TBL3: variants seen among roughly 807,000 people sequenced by gnomAD.
TBL3 encodes transducin beta like 3.
TBL3 carries 71 observed loss-of-function variants against 102.7 expected under a neutral mutation model. That is an observed-to-expected ratio of 0.69 (90% CI 0.57 to 0.84). TBL3 has a LOEUF of 0.84. Among genes scored for constraint, TBL3 ranks in the 40% least tolerant of loss-of-function variants. TBL3 has a pLI of 0.00. For missense variants in TBL3, 1,188 were observed against 1,098.5 expected (o/e 1.08, Z -1.15); for synonymous variants, 578 against 477.7 (o/e 1.21, Z -2.74).
rs2083493465 is a variant in TBL3 at position 1,980,830 on chromosome 16, C to T, written c.*2145C>T. 6.8e-7 allele frequency: 1 copy of T among 1,475,690 alleles called. No individual in the cohort carries two copies. The highest frequency in any genetic ancestry group is 9.3e-7 in the Non-Finnish European group (1 of 1,075,296). 91.4% of individuals were successfully genotyped at this position (1,475,690 alleles called of 1,614,324 possible). On this transcript the variant is annotated 3_prime_UTR_variant, in exon 22 of 22. Transcript: ENST00000568546. Reference sequence around the variant, plus strand: ...GGATGGCAGGGGCTGGGAGCTTCAGCAGGGACGAAGGGCCTCCAGTGGGAG... The same window carrying T: ...GGATGGCAGGGGCTGGGAGCTTCAGTAGGGACGAAGGGCCTCCAGTGGGAG...
Position 1,980,365 on chromosome 16 carries a change from AC to A in TBL3, c.*1682del, listed in dbSNP as rs1198554299. The A allele has an allele frequency of 6.3e-7, 1 of 1,599,450 alleles. No homozygotes were observed. Among genetic ancestry groups the A allele is most frequent in the African/African-American group, 1.3e-5 (1 of 74,812 alleles). ...GCTGGGAGTTTGGGGCGAGTCAGGC[AC>A]CTGCCGGGTGGCAGCGCGGGCTCCA... On this transcript the variant is annotated 3_prime_UTR_variant, in exon 22 of 22. Coordinates refer to ENST00000568546, the MANE Select transcript of TBL3 (RefSeq NM_006453.3).
rs754289109 is a variant in TBL3 at position 1,978,644 on chromosome 16, GC to G, written c.2391del (p.Thr798ProfsTer28). The G allele has an allele frequency of 1.2e-6, 2 of 1,612,372 alleles. No homozygotes were observed. Among genetic ancestry groups the G allele is most frequent in the South Asian group, 1.1e-5 (1 of 91,070 alleles). ...CATGAAGCTCCCTGTGCCGGCCGCC[GC>G]CCCCACCCCCTGGGAAACCCATAAA... ...HNMKLPVPAAAPTPWETHKGA... is the reference protein window; with the variant it reads ...HNMKLPVPAAXPTPWETHKGA... On this transcript the variant is annotated frameshift_variant, in exon 22 of 22. Transcript: ENST00000568546. LOFTEE classifies it low-confidence loss of function (END_TRUNC).
At position 1,976,221 on chromosome 16, in the gene TBL3, T is replaced by C; in HGVS notation, c.1199T>C (p.Val400Ala). Residue 400 changes from valine (V) to alanine (A), a missense_variant, in exon 13 of 22, where the codon GTC becomes GCC. Physicochemically the swap from Val to Ala is moderately conservative, Grantham distance 64. Transcript: ENST00000568546. ...ACTCCCTGTCCCCAGGATCAGAGCG[T>C]CCGTATCTGGAGAATGAACAAGGCT... ...LFASCAKDQSVRIWRMNKAGQ... is the reference protein window; with the variant it reads ...LFASCAKDQSARIWRMNKAGQ... 1.2e-6 allele frequency: 2 copies of C among 1,614,138 alleles called. No homozygotes were observed. Among genetic ancestry groups the C allele is most frequent in the Non-Finnish European group, 8.5e-7 (1 of 1,180,018 alleles).
intron 4 of TBL3, 42 bp from the exon 5 acceptor site, chr16:1,974,496 C>T: frequency 5.0e-6 from 8 of 1,584,690 alleles, no homozygotes; most frequent in Non-Finnish European, 6.9e-6. Context: ...AAGATGTGAG[C>T]AGGGTATTGC....
intron 21 of TBL3, 35 bp from the exon 22 acceptor site, chr16:1,978,517 G>C (rs1201962200): frequency 1.3e-6 from 2 of 1,590,374 alleles, no homozygotes; most frequent in Non-Finnish European, 8.6e-7. Context: ...TGGGCGTGTG[G>C]ACCACCCCCC....
Position 1,976,284 on chromosome 16 carries a change from C to T in TBL3, c.1262C>T (p.Thr421Ile), listed in dbSNP as rs1046541241. The change falls in exon 13 of 22, where the codon ACA becomes ATA. Residue 421 changes from threonine to isoleucine, a missense_variant. Thr to Ile is a moderately conservative substitution (Grantham distance 89). Coordinates refer to ENST00000568546, the MANE Select transcript of TBL3 (RefSeq NM_006453.3). ...VMCVAQGSGH[T>I]HSVGTVCCSR... ...TGCGTGGCTCAGGGTTCCGGTCACA[C>T]ACACAGTGTGGGCACCGTCTGCTGC... 1.2e-6 allele frequency: 2 copies of T among 1,613,972 alleles called. No homozygotes were observed. The highest frequency in any genetic ancestry group is 1.3e-5 in the African/African-American group (1 of 75,068).
chr16:1,980,923 G>T lies in TBL3; in HGVS notation c.*2238G>T. The T allele has an allele frequency of 6.2e-7, 1 of 1,608,964 alleles. No homozygotes were observed. On this transcript the variant is annotated 3_prime_UTR_variant, in exon 22 of 22. Coordinates refer to ENST00000568546, the MANE Select transcript of TBL3 (RefSeq NM_006453.3). ...AAGCCGCCACCGCGGCATCAGGGTG[G>T]CCCAGGGTCACTCACCTTGAGCTGC...
rs2083429759 is a variant in TBL3, at chr16:1,978,754, C to A, written c.*69C>A. On this transcript the variant is annotated 3_prime_UTR_variant, in exon 22 of 22. Transcript: ENST00000568546. Reference sequence around the variant, plus strand: ...CCATAAAGGCCGCTCTCCTGGCCGGCTCTGTCTCTCTGGACTGCAGTCCAG... The same window carrying A: ...CCATAAAGGCCGCTCTCCTGGCCGGATCTGTCTCTCTGGACTGCAGTCCAG... 2 of 1,551,630 alleles carry A rather than the reference C, an allele frequency of 1.3e-6. No individual in the cohort carries two copies. The highest frequency in any genetic ancestry group is 2.7e-5 in the African/African-American group (2 of 73,598).
rs772252273 is a variant in TBL3, at chr16:1,980,387, C to T, written c.*1702C>T. 8 of 1,602,038 alleles carry T rather than the reference C, an allele frequency of 5.0e-6. No individual in the cohort carries two copies. Among genetic ancestry groups the T allele is most frequent in the Middle Eastern group, 3.5e-4 (2 of 5,788 alleles). On this transcript the variant is annotated 3_prime_UTR_variant, in exon 22 of 22. Coordinates refer to ENST00000568546, the MANE Select transcript of TBL3 (RefSeq NM_006453.3). ...GGCACCTGCCGGGTGGCAGCGCGGG[C>T]TCCAGGTCCAGGGGTTGCGGTGCGA...
In TBL3 at chr16:1,974,427, T is replaced by C; in HGVS notation, c.237+4T>C. On this transcript the variant is annotated splice_donor_region_variant and intron_variant, in intron 4 of 21. Transcript: ENST00000568546. ...TGACCTCAGCCCTGACAACGAGGTA[T>C]GTGGGGCGGGGCCTGGAGGGGACCC... 1 of 1,607,928 alleles carries C rather than the reference T, an allele frequency of 6.2e-7. No homozygotes were observed. The highest frequency in any genetic ancestry group is 8.5e-7 in the Non-Finnish European group (1 of 1,176,978).
rs1292643760 is a variant in TBL3, at chr16:1,979,407, A to C, written c.*722A>C. On this transcript the variant is annotated 3_prime_UTR_variant, in exon 22 of 22. Coordinates refer to ENST00000568546, the MANE Select transcript of TBL3 (RefSeq NM_006453.3). ...CCGCCTCGGCTAGCCTGCCCTGCCC[A>C]CGCCCGCTCCCGCGTACCTGCATAG... 4.2e-5 allele frequency: 67 copies of C among 1,602,974 alleles called. No individual in the cohort carries two copies. Among genetic ancestry groups the C allele is most frequent in the Non-Finnish European group, 5.6e-5 (66 of 1,177,770 alleles).
rs1194484630 is a variant in TBL3, at chr16:1,972,085, A to T, written c.-80A>T. The T allele has an allele frequency of 3.6e-6, 5 of 1,384,514 alleles. No individual in the cohort carries two copies. The highest frequency in any genetic ancestry group is 4.7e-6 in the Non-Finnish European group (5 of 1,056,916). The allele number at this position is 1,384,514 out of a possible 1,614,324, so 85.8% of individuals were successfully genotyped here. On this transcript the variant is annotated 5_prime_UTR_variant, in exon 1 of 22. Transcript: ENST00000568546. ...GCCGGGAGTGTGGCGTTCTGTGAAG[A>T]GTTCGGTGCTAACCTCCCTCACGCG...
In TBL3 at chr16:1,979,849, T is replaced by C; in HGVS notation, c.*1164T>C. 1 of 1,580,574 alleles carries C rather than the reference T, an allele frequency of 6.3e-7. No homozygotes were observed. The highest frequency in any genetic ancestry group is 8.6e-7 in the Non-Finnish European group (1 of 1,164,614). ...TTGGCCCGGGGCCGCCTCCTCCAGGTAGGGCGCTGGAAACCAGGCGGTCTG... is the reference window on the plus strand; with the variant it reads ...TTGGCCCGGGGCCGCCTCCTCCAGGCAGGGCGCTGGAAACCAGGCGGTCTG... On this transcript the variant is annotated 3_prime_UTR_variant, in exon 22 of 22. Transcript: ENST00000568546.
At chr16:1,977,320 C>A in intron 15 of TBL3, 36 bp downstream of exon 15, 1 of 1,613,418 alleles carries the variant, frequency 6.2e-7, no homozygotes, top group Non-Finnish European at 8.5e-7. Context: ...ACTTCCCGCC[C>A]TGGTGACATC....
At position 1,980,401 on chromosome 16, in the gene TBL3, G is replaced by T. The variant is rs1197945377; in HGVS notation, c.*1716G>T. 2 of 1,602,954 alleles carry T rather than the reference G, an allele frequency of 1.2e-6. No homozygotes were observed. Among genetic ancestry groups the T allele is most frequent in the South Asian group, 2.2e-5 (2 of 91,048 alleles). On this transcript the variant is annotated 3_prime_UTR_variant, in exon 22 of 22. Coordinates refer to ENST00000568546, the MANE Select transcript of TBL3 (RefSeq NM_006453.3). ...GGCAGCGCGGGCTCCAGGTCCAGGG[G>T]TTGCGGTGCGAAGAAGCCAGTGATC... is the stretch of plus-strand genomic sequence containing the variant.
Position 1,975,794 on chromosome 16 carries a change from C to G in TBL3, c.988-14C>G, listed in dbSNP as rs2083396441. 4 of 1,614,016 alleles carry G rather than the reference C, an allele frequency of 2.5e-6. No homozygotes were observed. The highest frequency in any genetic ancestry group is 8.5e-7 in the Non-Finnish European group (1 of 1,180,034). On this transcript the variant is annotated splice_polypyrimidine_tract_variant and intron_variant, in intron 10 of 21. Transcript: ENST00000568546. ...GGTCCTGGCTCACATCTCCTGCTCCCTGCCACCCCGCAGTTCGCTGGCTAC... is the reference window on the plus strand; with the variant it reads ...GGTCCTGGCTCACATCTCCTGCTCCGTGCCACCCCGCAGTTCGCTGGCTAC...
At chr16:1,975,145 C>CTGAGGCTAAGACTTGACCTGAGGT in intron 7 of TBL3, 42 bp from the exon 8 acceptor site, 1 of 1,613,486 alleles carries the variant, frequency 6.2e-7, no homozygotes, top group South Asian at 1.1e-5. Context: ...AAAGTGGGGG[C>CTGAGGCTAAGACTTGACCTGAGGT]TGAGGCTAAG....
Position 1,977,690 on chromosome 16 carries a change from G to C in TBL3, c.1899+20G>C, listed in dbSNP as rs1462550412. 5 of 1,551,766 alleles carry C rather than the reference G, an allele frequency of 3.2e-6. No individual in the cohort carries two copies. The highest frequency in any genetic ancestry group is 3.5e-6 in the Non-Finnish European group (4 of 1,147,186). On this transcript the variant is annotated intron_variant, in intron 17 of 21. Coordinates refer to ENST00000568546, the MANE Select transcript of TBL3 (RefSeq NM_006453.3). ...TGGAAGGTTGTGGGCCCCAAGGGCAGGGAAGAGTCGGGGTGGAGTGGAGGC... is the reference window on the plus strand; with the variant it reads ...TGGAAGGTTGTGGGCCCCAAGGGCACGGAAGAGTCGGGGTGGAGTGGAGGC...
Position 1,980,441 on chromosome 16 carries a change from C to T in TBL3, c.*1756C>T. The stretch of plus-strand genomic sequence containing the variant: ...AGCCAGTGATCGTCGGGCTCCGTGC[C>T]ACGCGCTCTGCAGTCGCCAGCAGCC... On this transcript the variant is annotated 3_prime_UTR_variant, in exon 22 of 22. Transcript: ENST00000568546. The T allele has an allele frequency of 1.2e-6, 2 of 1,602,232 alleles. No homozygotes were observed. The highest frequency in any genetic ancestry group is 2.2e-5 in the East Asian group (1 of 44,878).
Sources: allele counts gnomAD v4.1 joint callset, GRCh38; gene constraint gnomAD v4.1.1; transcripts MANE v1.5; gene names NCBI Gene and HGNC (gene_info 2026-07-23, HGNC 2026-07-21).